RIN3: variants seen among roughly 807,000 people sequenced by gnomAD.
The protein encoded by RIN3 is Ras and Rab interactor 3, also known as RAB5 interacting protein 3.
RIN3 carries 54 observed loss-of-function variants against 76.3 expected under a neutral mutation model. That is an observed-to-expected ratio of 0.71 (90% CI 0.57 to 0.89). RIN3 has a LOEUF of 0.89. Among genes scored for constraint, RIN3 ranks in the 40% least tolerant of loss-of-function variants. The pLI, the probability that RIN3 is intolerant of heterozygous loss-of-function variation, is 0.00. For synonymous variants in RIN3, 576 were observed against 564.0 expected, an observed-to-expected ratio of 1.02 and a Z score of -0.30; for missense variants, 1,256 against 1,322.1, an observed-to-expected ratio of 0.95 and a Z score of 0.78.
intron 3 of RIN3, among the ~76,000 whole-genome samples, chr14:92,591,901 A>T (rs1214886758): frequency 6.6e-6 from 1 of 152,262 alleles, no homozygotes; most frequent in Non-Finnish European, 1.5e-5. Flanking sequence ...GAAGAGCATC[A>T]GAGAAGGAAT....
At chr14:92,609,863 GTGTGTGTGTGTGTGTGTGTGTGTA>G (rs964674049) in intron 3 of RIN3, among the ~76,000 whole-genome samples, 3 of 116,970 alleles carry the variant, frequency 2.6e-5, no homozygotes, top group Admixed American at 1.0e-4. Context: ...GTGTGTGTGT[GTGTGTGTGTGTGTGTGTGTGTGTA>G]TGTATGTGTG....
intron 6 of RIN3, 95 bp downstream of exon 6, chr14:92,653,170 G>A (rs1008262679): frequency 1.9e-5 from 24 of 1,296,668 alleles, no homozygotes; most frequent in Non-Finnish European, 2.5e-5. Flanking sequence ...TGCAGTGGAC[G>A]CTGTTGGTGC....
At chr14:92,649,021 A>G (rs1887305909) in intron 5 of RIN3, among the ~76,000 whole-genome samples, 1 of 152,190 alleles carries the variant, frequency 6.6e-6, no homozygotes, top group Non-Finnish European at 1.5e-5. Flanking sequence ...AAGACTCGGT[A>G]GATGATGCCA....
intron 1 of RIN3, among the ~76,000 whole-genome samples, chr14:92,527,683 G>A (rs57992026): frequency 0.016 from 2,377 of 152,000 alleles, 25 homozygotes; most frequent in Non-Finnish European, 0.021. Context: ...CTCTTCCTCC[G>A]CAGACCCCCG....
intron 7 of RIN3, among the ~76,000 whole-genome samples, chr14:92,668,405 A>G (rs1013947982): frequency 6.6e-6 from 1 of 152,238 alleles, no homozygotes; most frequent in African/African-American, 2.4e-5. Context: ...TTCAGACCTC[A>G]GAGCCCACAG....
intron 8 of RIN3, among the ~76,000 whole-genome samples, chr14:92,677,193 T>C (rs563253758): frequency 3.9e-5 from 6 of 152,144 alleles, no homozygotes; most frequent in African/African-American, 2.4e-5. Flanking sequence ...TGCTCCCCAA[T>C]AGGATGAAGG....
At chr14:92,576,084 G>A (rs1898218559) in intron 2 of RIN3, 1 of 473,908 alleles carries the variant, frequency 2.1e-6, no homozygotes, top group Non-Finnish European at 3.4e-6. Context: ...GGAGCAGGGA[G>A]GGGAAGACAT....
intron 7 of RIN3, among the ~76,000 whole-genome samples, chr14:92,672,962 A>G (rs1214408900): frequency 6.6e-6 from 1 of 151,924 alleles, no homozygotes; most frequent in Non-Finnish European, 1.5e-5. Context: ...GGCTTCTTTC[A>G]CTTAGCATAA....
chr14:92,609,871 GTGTGTGTGTGTGTGTATGTA>G (rs762368391), intron 3 of RIN3, among the ~76,000 whole-genome samples: 4 of 76,472 alleles, frequency 5.2e-5, no homozygotes, highest in Non-Finnish European at 7.0e-5. Context: ...GTGTGTGTGT[GTGTGTGTGTGTGTGTATGTA>G]TGTGTGTTTC....
intron 8 of RIN3, among the ~76,000 whole-genome samples, chr14:92,678,638 C>T (rs1002771090): frequency 1.3e-5 from 2 of 151,810 alleles, no homozygotes; most frequent in South Asian, 2.1e-4. Flanking sequence ...CAATCACACA[C>T]CCATTCATCT....
intron 3 of RIN3, 55 bp from the exon 4 acceptor site, chr14:92,615,352 C>T (rs1885914526): frequency 1.3e-6 from 2 of 1,481,810 alleles, no homozygotes; most frequent in Non-Finnish European, 1.9e-6. Context: ...CTCCTTCCCC[C>T]ATTTTCCTTG....
intron 2 of RIN3, among the ~76,000 whole-genome samples, chr14:92,571,773 T>C (rs775919242): frequency 2.0e-5 from 3 of 152,208 alleles, no homozygotes; most frequent in Admixed American, 1.3e-4. Context: ...CAAAGTGTTA[T>C]ACTTCCAATT....
At position 92,681,532 on chromosome 14, in the gene RIN3, A is replaced by G. The variant is rs1164738485; in HGVS notation, c.2468-3455A>G. Among the ~76,000 whole-genome samples, 1 of 152,250 alleles carries G rather than the reference A, an allele frequency of 6.6e-6. No homozygotes were observed. Among genetic ancestry groups the G allele is most frequent in the African/African-American group, 2.4e-5 (1 of 41,464 alleles). ...AAGGAAACTGAGGCATAGAGAGGCC[A>G]TTAGCTCACCTGAATTACAGGGCTG... On this transcript the variant is annotated intron_variant, in intron 8 of 9. Transcript: ENST00000216487. This position sits in a 1 kb window ranked among gnomAD's most constrained non-coding sequence, Gnocchi z 4.7.
At position 92,688,654 on chromosome 14, in the gene RIN3, C is replaced by CT; in HGVS notation, c.*403dup. 4.8e-6 allele frequency: 1 copy of CT among 209,772 alleles called. No homozygotes were observed. The highest frequency in any genetic ancestry group is 1.3e-4 in the East Asian group (1 of 7,828). The allele number at this position is 209,772 out of a possible 1,614,324, so 13.0% of individuals were successfully genotyped here. On this transcript the variant is annotated 3_prime_UTR_variant, in exon 10 of 10. Transcript: ENST00000216487. ...CGAGCTTAGTTTCCCCAGGACTGGC[C>CT]TAGGAAGGAGCACCGGCCACAGCTG...
At chr14:92,606,210 C>A (rs1375982389) in intron 3 of RIN3, among the ~76,000 whole-genome samples, 1 of 150,720 alleles carries the variant, frequency 6.6e-6, no homozygotes, top group African/African-American at 2.4e-5. Context: ...ATTTGCAAAT[C>A]ACATATCTGA....
chr14:92,658,530 G>A (rs1285461869), intron 6 of RIN3, among the ~76,000 whole-genome samples: 1 of 152,180 alleles, frequency 6.6e-6, no homozygotes, highest in Non-Finnish European at 1.5e-5. Flanking sequence ...AGCATGTTAC[G>A]ATCAAAGATG....
In RIN3 at chr14:92,652,443, G is replaced by T. The variant is rs146213776; in HGVS notation, c.1394G>T (p.Arg465Leu). 6.2e-7 allele frequency: 1 copy of T among 1,613,842 alleles called. No homozygotes were observed. The highest frequency in any genetic ancestry group is 8.5e-7 in the Non-Finnish European group (1 of 1,179,988). Residue 465 changes from arginine (R) to leucine (L), a missense_variant, in exon 6 of 10, where the codon CGG becomes CTG. Around this residue, in one of 3 missense-constraint regions of RIN3, gnomAD observed 610 missense variants for 626.4 expected, o/e 0.97. Transcript: ENST00000216487. This position sits in a 1 kb window ranked among gnomAD's most constrained non-coding sequence, Gnocchi z 6.4. ...CCAGTCCCGCCCCCCAGGAAAAAACGGATCTCTCGACAACTGGCCTCGACC... is the reference window on the plus strand; with the variant it reads ...CCAGTCCCGCCCCCCAGGAAAAAACTGATCTCTCGACAACTGGCCTCGACC... ...QPPVPPPRKK[R>L]ISRQLASTLP...
chr14:92,614,040 G>A (rs529847208), intron 3 of RIN3, among the ~76,000 whole-genome samples: 2 of 152,348 alleles, frequency 1.3e-5, no homozygotes, highest in Admixed American at 6.5e-5. Context: ...AAGCAGGGCA[G>A]AGCATGGTGC....
At chr14:92,644,426 C>T (rs566381931) in intron 5 of RIN3, 9 of 149,360 alleles carry the variant, frequency 6.0e-5, no homozygotes, top group African/African-American at 2.2e-4. Flanking sequence ...TTTTTAAAGG[C>T]GATGTTCCTC....
Sources: allele counts gnomAD v4.1 joint callset (sites outside exome capture counted in the v4.1 genomes callset), GRCh38; gene constraint gnomAD v4.1.1; regional missense constraint gnomAD v4.1.1; non-coding constraint Gnocchi (gnomAD v3.1); transcripts MANE v1.5; gene names NCBI Gene and HGNC (gene_info 2026-07-23, HGNC 2026-07-21).